The following FRYL variants were observed in gnomAD, a reference collection of about 807,000 sequenced individuals.
The protein encoded by FRYL is protein furry homolog-like.
Under a neutral mutation model 351.2 loss-of-function variants are expected in FRYL, and 150 were observed. The observed-to-expected ratio is 0.43, with a 90% CI of 0.37 to 0.49. The LOEUF (loss-of-function observed/expected upper bound fraction) is 0.49. Among genes scored for constraint, FRYL ranks in the 20% least tolerant of loss-of-function variants. The probability of loss-of-function intolerance (pLI) is 0.00; values close to 1 mark genes in which losing one functional copy is unlikely to be tolerated. For synonymous variants in FRYL, 1,153 were observed against 1,257.1 expected, an observed-to-expected ratio of 0.92 and a Z score of 1.75; for missense variants, 3,036 against 3,619.3, an observed-to-expected ratio of 0.84 and a Z score of 4.13.
intron 7 of FRYL, 72 bp from the exon 8 acceptor site, chr4:48,609,895 T>A: frequency 1.5e-6 from 1 of 669,936 alleles, no homozygotes; most frequent in Non-Finnish European, 2.5e-6. Context: ...TCAATTCAAC[T>A]AATTAAATCA....
chr4:48,734,339 G>T (rs539537897), intron 1 of FRYL, among the ~76,000 whole-genome samples: 340 of 152,252 alleles, frequency 2.2e-3, no homozygotes, highest in African/African-American at 7.7e-3. Flanking sequence ...ATGATAAATG[G>T]CCAATTATCC....
rs575735768 is a variant in FRYL, at chr4:48,614,216, C to T, written c.412-4393G>A. On this transcript the variant is annotated intron_variant, in intron 7 of 63. Coordinates refer to ENST00000358350, the MANE Select transcript of FRYL (RefSeq NM_015030.2). ...ACATCCTGAAAGTCCCTATTTCTCC[C>T]CTTATTTTCAGTAGTTTAAAAAAAA... Among the ~76,000 whole-genome samples, 29 of 152,062 alleles carry T rather than the reference C, an allele frequency of 1.9e-4. 1 individual carries two copies. In the East Asian group the frequency reaches 5.2e-3, roughly 27 times the overall value.
chr4:48,633,942 C>G (rs1277697151), intron 4 of FRYL, among the ~76,000 whole-genome samples: 1 of 152,154 alleles, frequency 6.6e-6, no homozygotes, highest in Non-Finnish European at 1.5e-5. Flanking sequence ...TCAAATAGAG[C>G]TTCTCACATT....
chr4:48,532,832 C>T (rs764409049), intron 49 of FRYL, among the ~76,000 whole-genome samples: 4 of 151,978 alleles, frequency 2.6e-5, no homozygotes, highest in Admixed American at 1.3e-4. Flanking sequence ...AAAAGACTAT[C>T]GATAATTCAA....
intron 3 of FRYL, chr4:48,637,687 T>A (rs1330275426): frequency 6.6e-6 from 1 of 152,068 alleles, no homozygotes; most frequent in Non-Finnish European, 1.5e-5. Context: ...AATTAAAATT[T>A]GGGAATCTAA....
intron 2 of FRYL, among the ~76,000 whole-genome samples, chr4:48,705,548 T>C (rs566736099): frequency 1.2e-3 from 149 of 120,992 alleles, no homozygotes; most frequent in South Asian, 9.7e-3. Flanking sequence ...AGCTTGCTTA[T>C]ATTTTTCTTA....
intron 1 of FRYL, among the ~76,000 whole-genome samples, chr4:48,729,027 G>A (rs1770415443): frequency 6.6e-6 from 1 of 152,242 alleles, no homozygotes; most frequent in African/African-American, 2.4e-5. Flanking sequence ...TAAATACTGT[G>A]CTTTTCCCAC....
At position 48,593,952 on chromosome 4, in the gene FRYL, TTAG is replaced by T. The variant is rs770711826; in HGVS notation, c.1310_1312del (p.Thr437del). ...TACCTCTGGATTAATGGTGAAAGTT[TTAG>T]TAGATTTTCCAACACTGAGAAGATC... is the stretch of plus-strand genomic sequence containing the variant. On this transcript the variant is annotated inframe_deletion, in exon 16 of 64. Transcript: ENST00000358350. 6 of 1,454,118 alleles carry T rather than the reference TTAG, an allele frequency of 4.1e-6. No individual in the cohort carries two copies. The highest frequency in any genetic ancestry group is 5.5e-6 in the Non-Finnish European group (6 of 1,094,426). The allele number at this position is 1,454,118 out of a possible 1,614,324, so 90.1% of individuals were successfully genotyped here.
intron 3 of FRYL, among the ~76,000 whole-genome samples, chr4:48,657,853 A>C (rs1759570324): frequency 6.6e-6 from 1 of 152,236 alleles, no homozygotes; most frequent in African/African-American, 2.4e-5. Flanking sequence ...TATATACTAA[A>C]GATTTGACAC....
chr4:48,598,565 C>A lies in FRYL; in HGVS notation c.1036-2565G>T, dbSNP rs528625479. Among the ~76,000 whole-genome samples, 5 of 152,148 alleles carry A rather than the reference C, an allele frequency of 3.3e-5. No homozygotes were observed. The East Asian group carries it at 9.6e-4, about 29-fold the overall frequency. ...TAACAGCTAGATAATGTATGTTAAA[C>A]AGAATATTTTAAAATTGTGACTTTT... On this transcript the variant is annotated intron_variant, in intron 13 of 63. Coordinates refer to ENST00000358350, the MANE Select transcript of FRYL (RefSeq NM_015030.2).
intron 35 of FRYL, among the ~76,000 whole-genome samples, chr4:48,555,431 TGAA>T (rs1410480748): frequency 3.3e-5 from 5 of 152,278 alleles, no homozygotes; most frequent in Non-Finnish European, 7.4e-5. Context: ...GAAAGATCAA[TGAA>T]GAAGGGAAAG....
Position 48,540,963 on chromosome 4 carries a change from TA to T in FRYL, c.5688-4del, listed in dbSNP as rs756584625. On this transcript the variant is annotated splice_polypyrimidine_tract_variant and splice_region_variant and intron_variant, in intron 45 of 63. Transcript: ENST00000358350. Reference sequence around the variant, plus strand: ...TTATAGGATCATGATATGAGGTTCTTAAAAAAAAGAAAGAATAGATGAATGC... The same window carrying T: ...TTATAGGATCATGATATGAGGTTCTTAAAAAAAGAAAGAATAGATGAATGC... 12 of 1,535,726 alleles carry T rather than the reference TA, an allele frequency of 7.8e-6. No individual in the cohort carries two copies. The highest frequency in any genetic ancestry group is 1.4e-5 in the African/African-American group (1 of 71,828).
intron 23 of FRYL, among the ~76,000 whole-genome samples, chr4:48,578,216 A>G (rs1187426490): frequency 2.0e-5 from 3 of 152,154 alleles, no homozygotes; most frequent in Non-Finnish European, 4.4e-5. Flanking sequence ...ATTGATAGAA[A>G]GTAAGAAAAA....
Position 48,553,253 on chromosome 4 carries a change from C to T in FRYL, c.4397G>A (p.Arg1466His), listed in dbSNP as rs759690854. ...AGGGATTTTATAGCTGGAAGTGATG[C>T]GATAATACGGGGGATTATCCATGTG... ...VTHMDNPPYY[R>H]ITSSYKIPSV... Residue 1466 changes from arginine (R) to histidine (H), a missense_variant, in exon 36 of 64, where the codon CGC becomes CAC. Transcript: ENST00000358350. 26 of 1,612,812 alleles carry T rather than the reference C, an allele frequency of 1.6e-5. No homozygotes were observed. Among genetic ancestry groups the T allele is most frequent in the East Asian group, 2.2e-5 (1 of 44,848 alleles).
rs564927124 is a variant in FRYL at position 48,498,383 on chromosome 4, T to TAAC, written c.*1036_*1038dup. 5.9e-5 allele frequency: 9 copies of TAAC among 152,374 alleles called. No homozygotes were observed. Among genetic ancestry groups the TAAC allele is most frequent in the African/African-American group, 1.9e-4 (8 of 41,462 alleles). 9.4% of individuals were successfully genotyped at this position (152,374 alleles called of 1,614,324 possible). ...TTAGCTTTGTACACCTATTCTTGTA[T>TAAC]AACAACAGTGCATGGCACAAATGTA... is the stretch of plus-strand genomic sequence containing the variant. On this transcript the variant is annotated 3_prime_UTR_variant, in exon 64 of 64. Coordinates refer to ENST00000358350, the MANE Select transcript of FRYL (RefSeq NM_015030.2).
chr4:48,679,508 G>C (rs1037393615), intron 3 of FRYL, among the ~76,000 whole-genome samples: 4 of 151,928 alleles, frequency 2.6e-5, no homozygotes, highest in Non-Finnish European at 4.4e-5. Flanking sequence ...AAAGGCAGTA[G>C]AACAGAAAAT....
In FRYL at chr4:48,678,507, CAAAAAAAA is replaced by C. The variant is rs10639089; in HGVS notation, c.-81+6158_-81+6165del. On this transcript the variant is annotated intron_variant, in intron 3 of 63. Transcript: ENST00000358350. ...CTGGCGACAGAGCAAAACTCCATCT[CAAAAAAAA>C]AAAAAAAAAAAAAAAATAGAGAGAG... Among the ~76,000 whole-genome samples the C allele has an allele frequency of 4.0e-3, 285 of 71,776 alleles. 1 individual carries two copies. Among genetic ancestry groups the C allele is most frequent in the African/African-American group, 0.016 (270 of 16,572 alleles). The allele number at this position is 71,776 out of a possible 152,430, so 47.1% of individuals were successfully genotyped here.
chr4:48,600,302 C>A (rs938804705), intron 13 of FRYL, among the ~76,000 whole-genome samples: 1 of 152,118 alleles, frequency 6.6e-6, no homozygotes, highest in Admixed American at 6.5e-5. Flanking sequence ...CTCAACTATG[C>A]AGAGCAGCCA....
At chr4:48,748,933 G>A (rs929643130) in intron 1 of FRYL, among the ~76,000 whole-genome samples, 1 of 152,188 alleles carries the variant, frequency 6.6e-6, no homozygotes, top group Non-Finnish European at 1.5e-5. Context: ...GGAAGCAAGA[G>A]AGTCATCCAG....
Sources: allele counts gnomAD v4.1 joint callset (sites outside exome capture counted in the v4.1 genomes callset), GRCh38; gene constraint gnomAD v4.1.1; transcripts MANE v1.5; gene names NCBI Gene and HGNC (gene_info 2026-07-23, HGNC 2026-07-21).